CTNNA2: variants seen among roughly 807,000 people sequenced by gnomAD.
The protein encoded by CTNNA2 is catenin alpha-2.
In CTNNA2, 42 loss-of-function variants were observed where a neutral mutation model predicts 101.0. That is an observed-to-expected ratio of 0.42 (90% CI 0.32 to 0.54). The LOEUF (loss-of-function observed/expected upper bound fraction) is 0.54. CTNNA2 is among the 20% of genes least tolerant of loss of function. CTNNA2 has a pLI of 0.14. For missense variants in CTNNA2, 871 were observed against 1,223.1 expected (o/e 0.71, Z 4.29); for synonymous variants, 450 against 456.4 (o/e 0.99, Z 0.18).
At chr2:80,146,710 G>GTTTTTTTTTTTTTTTTTTTT (rs34019123) in intron 7 of CTNNA2, among the ~76,000 whole-genome samples, 2 of 61,744 alleles carry the variant, frequency 3.2e-5, no homozygotes, top group Non-Finnish European at 6.1e-5. Context: ...GTCCCCTCTG[G>GTTTTTTTTTTTTTTTTTTTT]TTTTTTTTTT....
At chr2:80,382,521 A>G (rs1306624876) in intron 7 of CTNNA2, among the ~76,000 whole-genome samples, 2 of 152,210 alleles carry the variant, frequency 1.3e-5, no homozygotes, top group East Asian at 3.9e-4. Flanking sequence ...TTCATAAAGA[A>G]CCAAATAAAT....
intron 7 of CTNNA2, among the ~76,000 whole-genome samples, chr2:79,990,873 C>T (rs111384473): frequency 0.04 from 6,022 of 152,116 alleles, 367 homozygotes; most frequent in African/African-American, 0.14. Context: ...CTCCTTGTAC[C>T]TCTGGTAGAG....
At chr2:80,646,889 G>T (rs1674153447) in intron 18 of CTNNA2, among the ~76,000 whole-genome samples, 1 of 151,880 alleles carries the variant, frequency 6.6e-6, no homozygotes, top group Admixed American at 6.6e-5. Flanking sequence ...ATTCTAAAAG[G>T]GCATGACGAT....
chr2:79,946,899 G>A (rs11688801), intron 7 of CTNNA2, among the ~76,000 whole-genome samples: 46,982 of 152,052 alleles, frequency 0.31, 7,688 homozygotes, highest in Non-Finnish European at 0.37. Context: ...GCCTTCAGGC[G>A]TGGAAGAGAC....
At chr2:80,496,833 T>A (rs1687514854) in intron 9 of CTNNA2, among the ~76,000 whole-genome samples, 1 of 152,226 alleles carries the variant, frequency 6.6e-6, no homozygotes, top group Non-Finnish European at 1.5e-5. Context: ...TCTCTTTATA[T>A]CCTGGACATT....
chr2:80,615,670 T>C (rs758253645), intron 17 of CTNNA2, among the ~76,000 whole-genome samples: 5 of 151,674 alleles, frequency 3.3e-5, no homozygotes, highest in Non-Finnish European at 7.4e-5. Flanking sequence ...GAAATAAAAG[T>C]GTGTTTAACT....
Position 80,648,460 on chromosome 2 carries a change from C to G in CTNNA2, c.*588C>G, listed in dbSNP as rs1275317059. ...TCTTTTAATCTGCATTCTGTTTCCT[C>G]TTCTAGTTGTGCCATTACTAGTGAT... is the stretch of plus-strand genomic sequence containing the variant. On this transcript the variant is annotated 3_prime_UTR_variant, in exon 19 of 19. Transcript: ENST00000402739. 6.6e-6 allele frequency: 1 copy of G among 152,562 alleles called. No homozygotes were observed. The highest frequency in any genetic ancestry group is 1.5e-5 in the Non-Finnish European group (1 of 68,024). 9.5% of individuals were successfully genotyped at this position (152,562 alleles called of 1,614,324 possible).
intron 2 of CTNNA2, among the ~76,000 whole-genome samples, chr2:79,219,670 G>C (rs79259067): frequency 3.9e-5 from 6 of 152,126 alleles, no homozygotes; most frequent in Non-Finnish European, 5.9e-5. Context: ...CATGATATTC[G>C]TGGATCATAA....
intron 9 of CTNNA2, among the ~76,000 whole-genome samples, chr2:80,502,222 C>A (rs1207589529): frequency 1.3e-5 from 2 of 152,202 alleles, no homozygotes; most frequent in African/African-American, 4.8e-5. Context: ...CACCATAAGT[C>A]ATTTAAATCT....
At chr2:80,393,137 C>T in intron 7 of CTNNA2, 74 bp from the exon 8 acceptor site, 17 of 1,122,888 alleles carry the variant, frequency 1.5e-5, no homozygotes, top group East Asian at 1.0e-4. Context: ...TCATGTTTTC[C>T]TGATTTTTTT....
chr2:79,292,315 A>C (rs1675843615), intron 2 of CTNNA2, among the ~76,000 whole-genome samples: 2 of 152,168 alleles, frequency 1.3e-5, no homozygotes, highest in South Asian at 4.2e-4. Context: ...TTATTGGAGC[A>C]CTGGAAGAAC....
chr2:79,730,687 A>G (rs968904217), intron 2 of CTNNA2, among the ~76,000 whole-genome samples: 39 of 152,150 alleles, frequency 2.6e-4, no homozygotes, highest in African/African-American at 8.9e-4. Context: ...CATTTTCAGC[A>G]TATCATAGTT....
intron 5 of CTNNA2, among the ~76,000 whole-genome samples, chr2:79,505,729 G>C (rs935266897): frequency 6.6e-6 from 1 of 152,212 alleles, no homozygotes; most frequent in African/African-American, 2.4e-5. Context: ...ACAGTTGTTA[G>C]AGTGGGAATA....
At chr2:80,256,591 C>G (rs1672173117) in intron 7 of CTNNA2, among the ~76,000 whole-genome samples, 1 of 152,080 alleles carries the variant, frequency 6.6e-6, no homozygotes, top group African/African-American at 2.4e-5. Context: ...TTCAAGTTTC[C>G]TCCACTTGGG....
intron 1 of CTNNA2, among the ~76,000 whole-genome samples, chr2:79,646,565 G>A (rs929320581): frequency 3.0e-4 from 31 of 103,064 alleles, no homozygotes; most frequent in Admixed American, 2.7e-3. Context: ...ATCTCATTCT[G>A]TTGCTCAGGC....
chr2:79,393,497 C>A (rs1480872518), intron 4 of CTNNA2, among the ~76,000 whole-genome samples: 1 of 152,060 alleles, frequency 6.6e-6, no homozygotes, highest in Non-Finnish European at 1.5e-5. Context: ...GACTGTATAA[C>A]CACAAAGTCT....
chr2:80,007,132 T>C (rs954785959), intron 7 of CTNNA2, among the ~76,000 whole-genome samples: 7 of 152,158 alleles, frequency 4.6e-5, no homozygotes, highest in African/African-American at 1.2e-4. Context: ...CACATCTCAA[T>C]TGAGCTTGTT....
At chr2:79,874,430 A>C in intron 6 of CTNNA2, 88 bp downstream of exon 6, 1 of 1,436,710 alleles carries the variant, frequency 7.0e-7, no homozygotes, top group African/African-American at 1.4e-5. Flanking sequence ...CCACTACAAT[A>C]ATTTACATTG....
intron 9 of CTNNA2, among the ~76,000 whole-genome samples, chr2:80,472,230 C>G (rs887777374): frequency 6.6e-6 from 1 of 152,074 alleles, no homozygotes; most frequent in Non-Finnish European, 1.5e-5. Context: ...CTATGAGAGC[C>G]TAGGGATAGG....
Sources: gnomAD v4.1 joint callset for allele counts (sites outside exome capture counted in the v4.1 genomes callset) on GRCh38, gnomAD v4.1.1 for gene constraint, MANE v1.5 for transcripts, NCBI Gene and HGNC (gene_info 2026-07-23, HGNC 2026-07-21) for gene names.